Variants in CDH23 observed in about 807,000 individuals in gnomAD.
CDH23 encodes cadherin-23.
CDH23 carries 189 observed loss-of-function variants against 317.1 expected under a neutral mutation model. The ratio of observed to expected loss-of-function variants is 0.60; its 90% CI spans 0.53 to 0.67. CDH23 has a LOEUF of 0.67. Among genes scored for constraint, CDH23 ranks in the 30% least tolerant of loss-of-function variants. The probability of loss-of-function intolerance (pLI) is 0.00; values close to 1 mark genes in which losing one functional copy is unlikely to be tolerated. For synonymous variants in CDH23, 1,839 were observed against 1,876.8 expected, an observed-to-expected ratio of 0.98 and a Z score of 0.52; for missense variants, 4,401 against 4,592.4, an observed-to-expected ratio of 0.96 and a Z score of 1.20.
At chr10:71,440,743 T>C (rs74606765) in intron 2 of CDH23, among the ~76,000 whole-genome samples, 3,327 of 152,278 alleles carry the variant, frequency 0.022, 114 homozygotes, top group African/African-American at 0.063. Context: ...AGCCCTGGGC[T>C]GCACTGAAGG....
At chr10:71,449,120 T>C (rs75339747) in intron 3 of CDH23, among the ~76,000 whole-genome samples, 6,563 of 152,274 alleles carry the variant, frequency 0.043, 434 homozygotes, top group African/African-American at 0.14. Context: ...GTTTTGTTTT[T>C]ACTAAAGGGA....
intron 11 of CDH23, among the ~76,000 whole-genome samples, chr10:71,635,459 G>C (rs908926267): frequency 3.3e-5 from 5 of 152,212 alleles, no homozygotes; most frequent in African/African-American, 1.2e-4. Context: ...GAATTCACCA[G>C]CAAATTACCC....
At chr10:71,569,081 T>C (rs1857601124) in intron 7 of CDH23, among the ~76,000 whole-genome samples, 1 of 152,132 alleles carries the variant, frequency 6.6e-6, no homozygotes, top group Non-Finnish European at 1.5e-5. Context: ...GTCATTCAGG[T>C]CCCTAGCTGG....
chr10:71,788,687 C>T (rs1044283520), intron 44 of CDH23, among the ~76,000 whole-genome samples: 1 of 151,882 alleles, frequency 6.6e-6, no homozygotes, highest in African/African-American at 2.4e-5. Flanking sequence ...GATCTCCTGA[C>T]CTCGTGATCT....
chr10:71,754,409 C>T (rs752128208), intron 38 of CDH23, among the ~76,000 whole-genome samples: 3 of 152,266 alleles, frequency 2.0e-5, no homozygotes, highest in African/African-American at 7.2e-5. Flanking sequence ...AGCCAAAAGC[C>T]ACCTGGCACC....
At chr10:71,773,377 G>C (rs937000626) in intron 38 of CDH23, 131 of 1,609,746 alleles carry the variant, frequency 8.1e-5, no homozygotes, top group Non-Finnish European at 1.1e-4. Context: ...CAGCCAGGAA[G>C]AGAGCGAAGA....
intron 14 of CDH23, among the ~76,000 whole-genome samples, chr10:71,667,084 G>A (rs574873079): frequency 2.2e-4 from 33 of 152,236 alleles, no homozygotes; most frequent in Non-Finnish European, 2.9e-4. Context: ...GGCACCGGCC[G>A]CCTGCCTCTG....
At chr10:71,737,190 A>G (rs946105464) in intron 34 of CDH23, among the ~76,000 whole-genome samples, 20 of 152,158 alleles carry the variant, frequency 1.3e-4, no homozygotes, top group African/African-American at 4.8e-4. Flanking sequence ...AGCAAAACTC[A>G]TGACAGATGG....
intron 8 of CDH23, among the ~76,000 whole-genome samples, chr10:71,575,042 G>C (rs1858087407): frequency 6.6e-6 from 1 of 152,142 alleles, no homozygotes; most frequent in Non-Finnish European, 1.5e-5. Flanking sequence ...TGAGGAAAGA[G>C]AGAGAGGGGG....
chr10:71,523,686 G>A (rs1412115193), intron 6 of CDH23, among the ~76,000 whole-genome samples: 2 of 152,156 alleles, frequency 1.3e-5, no homozygotes, highest in Non-Finnish European at 2.9e-5. Context: ...CACTGGTGAG[G>A]GGCAGGAGGA....
At chr10:71,742,872 C>T (rs939308992) in intron 38 of CDH23, among the ~76,000 whole-genome samples, 33 of 152,182 alleles carry the variant, frequency 2.2e-4, no homozygotes, top group Non-Finnish European at 5.9e-5. Context: ...ATGGCTTAGC[C>T]GGGTGGTTCT....
intron 61 of CDH23, 143 bp downstream of exon 61, chr10:71,810,219 G>A (rs975823797): frequency 3.7e-6 from 4 of 1,083,092 alleles, no homozygotes; most frequent in Non-Finnish European, 1.3e-6. Context: ...TATCAGTGCA[G>A]CTTTGATAAA....
chr10:71,638,037 C>T (rs1036520002), intron 11 of CDH23, among the ~76,000 whole-genome samples: 1 of 152,150 alleles, frequency 6.6e-6, no homozygotes, highest in African/African-American at 2.4e-5. Context: ...AAGGTCCCTG[C>T]CATAGGGAAT....
Position 71,706,974 on chromosome 10 carries a change from G to A in CDH23, c.3031G>A (p.Glu1011Lys), listed in dbSNP as rs762957224. ...GTCTGTGTCCGAGGACGTGCCACGC[G>A]AGTTCCGGGTGGTCTGGCTGAACTG... ...NVSVSEDVPR[E>K]FRVVWLNCTD... The change falls in exon 26 of 70, where the codon GAG becomes AAG. Residue 1011 changes from glutamate to lysine, a missense_variant. Transcript: ENST00000224721. 7.5e-6 allele frequency: 12 copies of A among 1,607,376 alleles called. No homozygotes were observed. Among genetic ancestry groups the A allele is most frequent in the East Asian group, 6.7e-5 (3 of 44,550 alleles).
rs1249690881 is a variant in CDH23, at chr10:71,732,124, G to A, written c.3853G>A (p.Ala1285Thr). The A allele has an allele frequency of 1.2e-6, 2 of 1,613,890 alleles. No homozygotes were observed. Among genetic ancestry groups the A allele is most frequent in the Non-Finnish European group, 1.7e-6 (2 of 1,179,894 alleles). ...GACCAGCTACATGATGAATGTGTCG[G>A]CCACTGACCAGGCCCCGCCCTTCAA... is the stretch of plus-strand genomic sequence containing the variant. ...TKTSYMMNVSATDQAPPFNQG... is the reference protein window; with the variant it reads ...TKTSYMMNVSTTDQAPPFNQG... Residue 1285 changes from alanine to threonine, a missense_variant, in exon 32 of 70, where the codon GCC becomes ACC. Physicochemically the swap from Ala to Thr is moderately conservative, Grantham distance 58. This residue lies in a region of CDH23 where 3,068 missense variants were observed against 3,203.3 expected (regional missense o/e 0.96). Transcript: ENST00000224721.
chr10:71,690,533 A>G lies in CDH23; in HGVS notation c.2125A>G (p.Ile709Val), dbSNP rs754027345. 1.4e-5 allele frequency: 22 copies of G among 1,611,248 alleles called. No homozygotes were observed. The highest frequency in any genetic ancestry group is 1.6e-5 in the Non-Finnish European group (19 of 1,178,878). The change falls in exon 20 of 70, where the codon ATC becomes GTC. Residue 709 changes from isoleucine (I) to valine (V), a missense_variant. Coordinates refer to ENST00000224721, the MANE Select transcript of CDH23 (RefSeq NM_022124.6). ...DRSREYGQES[I>V]IYSLEGSTQF... is the part of the protein sequence containing the mutation. ...CTCCCGGGAGTACGGCCAGGAGTCC[A>G]TCATCTACTCCTTGGAAGGCTCCAC...
intron 1 of CDH23, among the ~76,000 whole-genome samples, chr10:71,401,556 T>C (rs961261193): frequency 4.6e-5 from 7 of 152,160 alleles, no homozygotes; most frequent in Non-Finnish European, 8.8e-5. Context: ...AGATGGGTGG[T>C]GAATGTCCAC....
At chr10:71,586,978 A>C (rs1012378782) in intron 9 of CDH23, among the ~76,000 whole-genome samples, 1 of 152,186 alleles carries the variant, frequency 6.6e-6, no homozygotes, top group African/African-American at 2.4e-5. Context: ...GATTTTTGCT[A>C]TTACAAACTG....
At chr10:71,521,317 T>G (rs1048243637) in intron 6 of CDH23, among the ~76,000 whole-genome samples, 4 of 152,156 alleles carry the variant, frequency 2.6e-5, no homozygotes, top group African/African-American at 9.7e-5. Context: ...CTCCCAATCC[T>G]GCTCCCAAGA....
Sources: allele counts gnomAD v4.1 joint callset (sites outside exome capture counted in the v4.1 genomes callset), GRCh38; gene constraint gnomAD v4.1.1; regional missense constraint gnomAD v4.1.1; transcripts MANE v1.5; gene names NCBI Gene and HGNC (gene_info 2026-07-23, HGNC 2026-07-21).